Variants in VPS13A observed in about 807,000 individuals in gnomAD.
VPS13A encodes the protein vacuolar protein sorting 13 homolog A, also known as intermembrane lipid transfer protein VPS13A.
Under a neutral mutation model 390.9 loss-of-function variants are expected in VPS13A, and 264 were observed. The ratio of observed to expected loss-of-function variants is 0.68; its 90% CI spans 0.61 to 0.75. VPS13A has a LOEUF of 0.75. Among genes scored for constraint, VPS13A ranks in the 30% least tolerant of loss-of-function variants. The probability of loss-of-function intolerance (pLI) is 0.00; values close to 1 mark genes in which losing one functional copy is unlikely to be tolerated. For missense variants in VPS13A, 3,409 were observed against 3,733.9 expected (o/e 0.91, Z 2.27); for synonymous variants, 1,231 against 1,227.1 (o/e 1.00, Z -0.07).
Position 77,405,846 on chromosome 9 carries a change from TTG to T in VPS13A, c.9276-16_9276-15del. On this transcript the variant is annotated splice_polypyrimidine_tract_variant and intron_variant, in intron 69 of 71. Coordinates refer to ENST00000360280, the MANE Select transcript of VPS13A (RefSeq NM_033305.3). Reference sequence around the variant, plus strand: ...CTCAATTTTAAAGCGAATTCTTTTTTTGTTTTTCTTTTTGCAGTGGTGTATTG... The same window carrying T: ...CTCAATTTTAAAGCGAATTCTTTTTTTTTTTCTTTTTGCAGTGGTGTATTG... The T allele has an allele frequency of 6.2e-7, 1 of 1,612,146 alleles. No individual in the cohort carries two copies. Among genetic ancestry groups the T allele is most frequent in the Non-Finnish European group, 8.5e-7 (1 of 1,179,486 alleles).
chr9:77,276,390 C>A (rs949874843), intron 26 of VPS13A, among the ~76,000 whole-genome samples, 169 bp downstream of exon 26: 2 of 151,962 alleles, frequency 1.3e-5, no homozygotes, highest in Non-Finnish European at 2.9e-5. Flanking sequence ...ATGTGGGGGG[C>A]ACACCGGAGA....
intron 31 of VPS13A, 30 bp from the exon 32 acceptor site, chr9:77,293,311 A>G: frequency 6.4e-7 from 1 of 1,561,486 alleles, no homozygotes; most frequent in Admixed American, 1.7e-5. Context: ...TCAAAAATGG[A>G]TTGTGATAAT....
chr9:77,323,482 A>C (rs1160042238), intron 45 of VPS13A, among the ~76,000 whole-genome samples: 1 of 152,120 alleles, frequency 6.6e-6, no homozygotes, highest in Non-Finnish European at 1.5e-5. Context: ...TTTTATAAAT[A>C]GTCATCAGTG....
At chr9:77,322,445 A>G (rs1030401774) in intron 44 of VPS13A, among the ~76,000 whole-genome samples, 1 of 151,982 alleles carries the variant, frequency 6.6e-6, no homozygotes, top group Non-Finnish European at 1.5e-5. Flanking sequence ...GTAGGCTACT[A>G]AAATAGCTTG....
intron 67 of VPS13A, among the ~76,000 whole-genome samples, chr9:77,378,798 C>T (rs72748209): frequency 0.093 from 14,162 of 151,502 alleles, 758 homozygotes; most frequent in East Asian, 0.14. Flanking sequence ...GATTTCAGAC[C>T]TTCTTTTTTA....
intron 34 of VPS13A, among the ~76,000 whole-genome samples, chr9:77,305,150 G>C (rs1828657244): frequency 6.6e-6 from 1 of 152,054 alleles, no homozygotes; most frequent in Admixed American, 6.5e-5. Context: ...GTGTTAGCCA[G>C]GATGGTCTTG....
At chr9:77,201,230 A>C in intron 2 of VPS13A, 135 bp from the exon 3 acceptor site, 1 of 621,774 alleles carries the variant, frequency 1.6e-6, no homozygotes, top group Non-Finnish European at 2.9e-6. Flanking sequence ...TATTTAAATA[A>C]ATGTTGATGA....
intron 6 of VPS13A, 66 bp from the exon 7 acceptor site, chr9:77,210,550 T>C: frequency 6.5e-7 from 1 of 1,527,108 alleles, no homozygotes; most frequent in Non-Finnish European, 9.0e-7. Context: ...TGACAGTTTT[T>C]TCTATAAAGT....
intron 67 of VPS13A, among the ~76,000 whole-genome samples, chr9:77,371,958 A>C (rs969946378): frequency 4.8e-5 from 7 of 146,582 alleles, no homozygotes; most frequent in Non-Finnish European, 9.1e-5. Flanking sequence ...AATTTCATCC[A>C]TGTCCCTACA....
intron 52 of VPS13A, among the ~76,000 whole-genome samples, chr9:77,348,629 A>G (rs551356081): frequency 2.6e-5 from 4 of 152,282 alleles, no homozygotes; most frequent in Non-Finnish European, 4.4e-5. Flanking sequence ...TTAGGAAAAA[A>G]AAAAAGAAAA....
chr9:77,369,966 G>A (rs1028881810), intron 63 of VPS13A, among the ~76,000 whole-genome samples: 8 of 152,138 alleles, frequency 5.3e-5, no homozygotes, highest in African/African-American at 1.9e-4. Context: ...TTTGAACTGT[G>A]CTTGCATTTT....
Position 77,220,295 on chromosome 9 carries a change from C to T in VPS13A, c.901C>T (p.Leu301Phe), listed in dbSNP as rs1823125482. 4 of 1,611,534 alleles carry T rather than the reference C, an allele frequency of 2.5e-6. No homozygotes were observed. The highest frequency in any genetic ancestry group is 2.2e-5 in the East Asian group (1 of 44,766). The change falls in exon 12 of 72, where the codon CTT becomes TTT. Residue 301 changes from leucine (L) to phenylalanine (F), a missense_variant. Physicochemically the swap from Leu to Phe is conservative, Grantham distance 22. This residue lies in a region of VPS13A where 2,717 missense variants were observed against 2,917.4 expected (regional missense o/e 0.93). Transcript: ENST00000360280. ...NKPQYFSIMELLESVDMMAQN... is the reference protein window; with the variant it reads ...NKPQYFSIMEFLESVDMMAQN... ...TCTTTAGTATTTCAGTATTATGGAGCTTCTTGAATCAGTTGATATGATGGC... is the reference window on the plus strand; with the variant it reads ...TCTTTAGTATTTCAGTATTATGGAGTTTCTTGAATCAGTTGATATGATGGC...
At chr9:77,331,958 C>A in intron 45 of VPS13A, 52 bp from the exon 46 acceptor site, 1 of 1,291,822 alleles carries the variant, frequency 7.7e-7, no homozygotes, top group Non-Finnish European at 1.1e-6. Flanking sequence ...TTTTACACAT[C>A]TTTAGATTCT....
Position 77,323,059 on chromosome 9 carries a change from T to C in VPS13A, c.5831-8T>C, listed in dbSNP as rs113702270. ...ATAAAAACTTTTAAACATACTTACT[T>C]AATTTAGCACCTGTTAACCATTCTA... On this transcript the variant is annotated splice_polypyrimidine_tract_variant and splice_region_variant and intron_variant, in intron 44 of 71. Transcript: ENST00000360280. 4.0e-4 allele frequency: 637 copies of C among 1,604,362 alleles called. 1 individual carries two copies. The African/African-American group carries it at 6.8e-3, about 17-fold the overall frequency.
At chr9:77,189,968 G>A (rs1486495660) in intron 1 of VPS13A, among the ~76,000 whole-genome samples, 1 of 152,124 alleles carries the variant, frequency 6.6e-6, no homozygotes, top group Non-Finnish European at 1.5e-5. Flanking sequence ...CTGAAAGTTG[G>A]TTGAAGTTAT....
At chr9:77,397,031 C>G (rs62571469) in intron 68 of VPS13A, among the ~76,000 whole-genome samples, 1 of 152,172 alleles carries the variant, frequency 6.6e-6, no homozygotes, top group Non-Finnish European at 1.5e-5. Context: ...CTCTGTTGCC[C>G]AGGCTGGAGT....
Position 77,341,691 on chromosome 9 carries a change from C to CTTTTTTTTTTTTTTTTTTTTTTTTTT in VPS13A, c.7026+1145_7026+1170dup, listed in dbSNP as rs57841628. On this transcript the variant is annotated intron_variant, in intron 50 of 71. Transcript: ENST00000360280. ...AGTAAGTTCTACATGGACATCTTTC[C>CTTTTTTTTTTTTTTTTTTTTTTTTTT]TTTTTTTTTTTTTTTTTTTTTTTTT... Among the ~76,000 whole-genome samples, 61 of 37,840 alleles carry CTTTTTTTTTTTTTTTTTTTTTTTTTT rather than the reference C, an allele frequency of 1.6e-3. 14 individuals carry two copies. The highest frequency in any genetic ancestry group is 2.3e-3 in the Non-Finnish European group (49 of 21,610). 24.8% of individuals were successfully genotyped at this position (37,840 alleles called of 152,430 possible). A position where few individuals can be genotyped will look rare whatever the true frequency, so the allele number is the denominator to read the frequency against.
intron 68 of VPS13A, chr9:77,395,755 C>T (rs1266238407): frequency 6.6e-6 from 1 of 152,006 alleles, no homozygotes; most frequent in East Asian, 1.9e-4. Flanking sequence ...TATATAAATT[C>T]CTCATTTTTG....
At chr9:77,180,182 T>A (rs1353654100) in intron 1 of VPS13A, among the ~76,000 whole-genome samples, 1 of 145,766 alleles carries the variant, frequency 6.9e-6, no homozygotes, top group Non-Finnish European at 1.5e-5. Flanking sequence ...TGAACATTCA[T>A]GTACAAGTTT....
Sources: gnomAD v4.1 joint callset for allele counts (sites outside exome capture counted in the v4.1 genomes callset) on GRCh38, gnomAD v4.1.1 for gene constraint, gnomAD v4.1.1 regional missense constraint, MANE v1.5 for transcripts, NCBI Gene and HGNC (gene_info 2026-07-23, HGNC 2026-07-21) for gene names.